Variants in UNC5D observed in about 807,000 individuals in gnomAD.
UNC5D encodes netrin receptor UNC5D.
A neutral mutation model predicts 105.4 loss-of-function variants in UNC5D; 39 were observed. The ratio of observed to expected loss-of-function variants is 0.37; its 90% CI spans 0.29 to 0.48. The LOEUF (loss-of-function observed/expected upper bound fraction) is 0.48, where lower values mean the gene tolerates loss of function less well. UNC5D is among the 20% of genes least tolerant of loss of function. The pLI, the probability that UNC5D is intolerant of heterozygous loss-of-function variation, is 0.98. For synonymous variants in UNC5D, 452 were observed against 450.4 expected (o/e 1.00, Z -0.04); for missense variants, 991 against 1,202.4 (o/e 0.82, Z 2.60).
chr8:35,305,621 C>CTTTCTTTCT (rs1563297944), intron 1 of UNC5D, among the ~76,000 whole-genome samples: 1 of 82,316 alleles, frequency 1.2e-5, no homozygotes, highest in African/African-American at 5.6e-5. Flanking sequence ...TTCTTTCTTT[C>CTTTCTTTCT]TTTTTCTTTC....
At chr8:35,357,331 C>G (rs1194227691) in intron 1 of UNC5D, among the ~76,000 whole-genome samples, 1 of 152,168 alleles carries the variant, frequency 6.6e-6, no homozygotes, top group Non-Finnish European at 1.5e-5. Context: ...TTCCTTTTCT[C>G]ACTTGATGTC....
intron 2 of UNC5D, among the ~76,000 whole-genome samples, chr8:35,553,585 A>G (rs534868308): frequency 6.9e-4 from 105 of 152,292 alleles, no homozygotes; most frequent in African/African-American, 2.5e-3. Context: ...CTCCCTAAAC[A>G]GTTTTCTTCT....
intron 4 of UNC5D, among the ~76,000 whole-genome samples, chr8:35,620,736 T>G (rs1258872263): frequency 6.6e-6 from 1 of 152,220 alleles, no homozygotes; most frequent in Non-Finnish European, 1.5e-5. Flanking sequence ...TAGGCCTAAT[T>G]ATGCTCTTAT....
intron 1 of UNC5D, among the ~76,000 whole-genome samples, chr8:35,543,801 C>A (rs1031280434): frequency 3.3e-5 from 5 of 152,146 alleles, no homozygotes; most frequent in Non-Finnish European, 7.3e-5. Context: ...GAATCGCAGT[C>A]CAGCTCACAG....
chr8:35,405,552 A>G (rs1045704566), intron 1 of UNC5D, among the ~76,000 whole-genome samples: 3 of 152,204 alleles, frequency 2.0e-5, no homozygotes, highest in Admixed American at 6.5e-5. Flanking sequence ...CACATTTCCA[A>G]TGGTAAATGT....
intron 1 of UNC5D, among the ~76,000 whole-genome samples, chr8:35,397,868 A>G (rs1585748423): frequency 6.6e-6 from 1 of 152,224 alleles, no homozygotes; most frequent in Middle Eastern, 3.4e-3. Context: ...TTTACTTACA[A>G]TTCTTCTGAC....
At chr8:35,713,084 T>C (rs1828053761) in intron 8 of UNC5D, among the ~76,000 whole-genome samples, 1 of 152,184 alleles carries the variant, frequency 6.6e-6, no homozygotes, top group South Asian at 2.1e-4. Context: ...GATCTAATGT[T>C]TATTCCAGCA....
chr8:35,539,581 T>C (rs1032736649), intron 1 of UNC5D, among the ~76,000 whole-genome samples: 3 of 152,174 alleles, frequency 2.0e-5, no homozygotes, highest in Non-Finnish European at 4.4e-5. Flanking sequence ...TAGAACTCGT[T>C]GACAAGTTGT....
At chr8:35,671,699 G>T (rs1475473650) in intron 4 of UNC5D, among the ~76,000 whole-genome samples, 1 of 152,100 alleles carries the variant, frequency 6.6e-6, no homozygotes, top group East Asian at 1.9e-4. Context: ...TTTTCAAAAT[G>T]TTTTTCTTCC....
intron 1 of UNC5D, among the ~76,000 whole-genome samples, chr8:35,417,995 A>AG (rs1805636054): frequency 1.3e-5 from 2 of 152,206 alleles, no homozygotes. Context: ...AACAGTGCTT[A>AG]GGTGAGCTAG....
chr8:35,239,644 A>T lies in UNC5D; in HGVS notation c.103+3757A>T, dbSNP rs1802680820. Among the ~76,000 whole-genome samples the T allele has an allele frequency of 2.0e-5, 3 of 152,260 alleles. No homozygotes were observed. In the South Asian group the frequency reaches 6.2e-4, roughly 32 times the overall value. ...ATAATGGGAAGGCACATGTGTTCAC[A>T]GGGAGCCCAGATGTGCCCTCCTTCT... is the stretch of plus-strand genomic sequence containing the variant. On this transcript the variant is annotated intron_variant, in intron 1 of 16. Coordinates refer to ENST00000404895, the MANE Select transcript of UNC5D (RefSeq NM_080872.4).
chr8:35,318,702 T>G (rs1809485833), intron 1 of UNC5D, among the ~76,000 whole-genome samples: 1 of 152,106 alleles, frequency 6.6e-6, no homozygotes, highest in African/African-American at 2.4e-5. Flanking sequence ...AACTTCCCAT[T>G]ATATTACACT....
At chr8:35,414,448 T>TA (rs1451812893) in intron 1 of UNC5D, among the ~76,000 whole-genome samples, 1 of 152,074 alleles carries the variant, frequency 6.6e-6, no homozygotes, top group African/African-American at 2.4e-5. Context: ...TTGCCTTATT[T>TA]AAAAAAATAG....
intron 4 of UNC5D, among the ~76,000 whole-genome samples, chr8:35,672,839 TA>T (rs945275872): frequency 2.0e-5 from 3 of 151,640 alleles, no homozygotes; most frequent in African/African-American, 7.3e-5. Context: ...TAATGAATTT[TA>T]AAAAAAAATA....
chr8:35,752,513 G>A (rs60382030), intron 13 of UNC5D, among the ~76,000 whole-genome samples: 11,322 of 151,992 alleles, frequency 0.074, 1,139 homozygotes, highest in African/African-American at 0.23. Flanking sequence ...CATTGTGAAG[G>A]GCACACTTCA....
Position 35,673,608 on chromosome 8 carries a change from G to A in UNC5D, c.571-9939G>A, listed in dbSNP as rs111968203. Among the ~76,000 whole-genome samples, 859 of 152,222 alleles carry A rather than the reference G, an allele frequency of 5.6e-3. 9 individuals are homozygous for A. Among genetic ancestry groups the A allele is most frequent in the African/African-American group, 0.019 (776 of 41,540 alleles). Reference sequence around the variant, plus strand: ...TTTCTTTGCCTATCTTGGGGTTGCCGTGGGGATCAAATAAGATAGTGTATT... The same window carrying A: ...TTTCTTTGCCTATCTTGGGGTTGCCATGGGGATCAAATAAGATAGTGTATT... On this transcript the variant is annotated intron_variant, in intron 4 of 16. Transcript: ENST00000404895.
chr8:35,429,665 G>A (rs1806492979), intron 1 of UNC5D, among the ~76,000 whole-genome samples: 1 of 151,994 alleles, frequency 6.6e-6, no homozygotes, highest in South Asian at 2.1e-4. Context: ...TGCAATTTGT[G>A]CATGATAAAC....
chr8:35,521,966 A>C (rs1813513103), intron 1 of UNC5D, among the ~76,000 whole-genome samples: 1 of 152,208 alleles, frequency 6.6e-6, no homozygotes, highest in Admixed American at 6.5e-5. Flanking sequence ...ATGATCAGCT[A>C]TCAGGCTTTA....
At chr8:35,386,207 A>AT (rs1405114975) in intron 1 of UNC5D, among the ~76,000 whole-genome samples, 2 of 152,158 alleles carry the variant, frequency 1.3e-5, no homozygotes, top group Admixed American at 6.5e-5. Flanking sequence ...CCTGTCACTG[A>AT]TTTTTTTAAG....
Sources: gnomAD v4.1 joint callset for allele counts (sites outside exome capture counted in the v4.1 genomes callset) on GRCh38, gnomAD v4.1.1 for gene constraint, MANE v1.5 for transcripts, NCBI Gene and HGNC (gene_info 2026-07-23, HGNC 2026-07-21) for gene names.